KMT5A: variants seen among roughly 807,000 people sequenced by gnomAD.
KMT5A encodes the protein N-lysine methyltransferase KMT5A.
A neutral mutation model predicts 40.6 loss-of-function variants in KMT5A; 6 were observed. The ratio of observed to expected loss-of-function variants is 0.15; its 90% CI spans 0.08 to 0.29. The LOEUF (loss-of-function observed/expected upper bound fraction) is 0.29. KMT5A is among the 10% of genes least tolerant of loss of function. The pLI, the probability that KMT5A is intolerant of heterozygous loss-of-function variation, is 1.00. For missense variants in KMT5A, 308 were observed against 459.1 expected, an observed-to-expected ratio of 0.67 and a Z score of 3.01; for synonymous variants, 153 against 178.8, an observed-to-expected ratio of 0.86 and a Z score of 1.15.
At chr12:123,402,592 G>A (rs940195258) in intron 5 of KMT5A, among the ~76,000 whole-genome samples, 7 of 152,200 alleles carry the variant, frequency 4.6e-5, no homozygotes, top group African/African-American at 1.4e-4. Context: ...TGGAGCTTCC[G>A]ATCTGTCTTC....
intron 5 of KMT5A, among the ~76,000 whole-genome samples, chr12:123,399,077 T>G (rs1444087929): frequency 6.6e-6 from 1 of 152,250 alleles, no homozygotes; most frequent in Non-Finnish European, 1.5e-5. Context: ...CAGGGGCCCC[T>G]TGGCCGGCCA....
chr12:123,408,566 CTTTTTTTTT>C lies in KMT5A; in HGVS notation c.*875_*883del, dbSNP rs57847836. On this transcript the variant is annotated 3_prime_UTR_variant, in exon 8 of 8. Transcript: ENST00000402868. ...GGTCTTGAAGTGAGTGAAGTGGCTG[CTTTTTTTTT>C]TTTTTTTTTTTGCTTTTTTTTGCTT... 1.1e-5 allele frequency: 1 copy of C among 91,884 alleles called. No individual in the cohort carries two copies. Among genetic ancestry groups the C allele is most frequent in the Non-Finnish European group, 2.3e-5 (1 of 43,658 alleles). The allele number at this position is 91,884 out of a possible 1,614,324, so 5.7% of individuals were successfully genotyped here.
intron 2 of KMT5A, chr12:123,390,197 C>G (rs1475738554): frequency 6.6e-6 from 3 of 457,882 alleles, no homozygotes; most frequent in East Asian, 6.9e-5. Context: ...GACAGGCCCT[C>G]CAGCCGCCCT....
chr12:123,389,247 G>A (rs1877083700), intron 1 of KMT5A, 186 bp from the exon 2 acceptor site: 1 of 161,388 alleles, frequency 6.2e-6, no homozygotes, highest in Non-Finnish European at 1.2e-5. Context: ...GGGCCGGGCG[G>A]CGGGAGGGCG....
intron 6 of KMT5A, among the ~76,000 whole-genome samples, chr12:123,403,838 A>G (rs1878351946): frequency 6.6e-6 from 1 of 152,248 alleles, no homozygotes; most frequent in Non-Finnish European, 1.5e-5. Flanking sequence ...GGCTTTGTAT[A>G]TAAATGTTAT....
At chr12:123,395,473 C>G (rs1877646357) in intron 4 of KMT5A, among the ~76,000 whole-genome samples, 1 of 152,054 alleles carries the variant, frequency 6.6e-6, no homozygotes, top group Non-Finnish European at 1.5e-5. Context: ...AAGAGCCTCT[C>G]CTTCCTCCCC....
rs1244439834 is a variant in KMT5A at position 123,407,712 on chromosome 12, C to T, written c.*9C>T. 6.2e-7 allele frequency: 1 copy of T among 1,606,204 alleles called. No homozygotes were observed. The highest frequency in any genetic ancestry group is 1.3e-5 in the African/African-American group (1 of 74,828). On this transcript the variant is annotated 3_prime_UTR_variant, in exon 8 of 8. Coordinates refer to ENST00000402868, the MANE Select transcript of KMT5A (RefSeq NM_020382.7). ...CGTGGCTGAAGCATTAACCGGTGGGCCCCGTGCCCTCCCCGCCCCACTTTC... is the reference window on the plus strand; with the variant it reads ...CGTGGCTGAAGCATTAACCGGTGGGTCCCGTGCCCTCCCCGCCCCACTTTC...
At chr12:123,388,869 C>T (rs1025671871) in intron 1 of KMT5A, 3 of 148,102 alleles carry the variant, frequency 2.0e-5, no homozygotes, top group East Asian at 4.1e-4. Flanking sequence ...GCCGCGCCCG[C>T]CCGCCCGCCC....
chr12:123,406,836 G>A (rs1443336249), intron 7 of KMT5A, among the ~76,000 whole-genome samples: 4 of 151,796 alleles, frequency 2.6e-5, no homozygotes, highest in South Asian at 2.1e-4. Flanking sequence ...GACCAACATG[G>A]CAAAACCCCA....
chr12:123,401,061 C>T (rs1415588726), intron 5 of KMT5A, among the ~76,000 whole-genome samples: 1 of 150,916 alleles, frequency 6.6e-6, no homozygotes, highest in Non-Finnish European at 1.5e-5. Flanking sequence ...TCCCAAACTG[C>T]TGGGATTACA....
chr12:123,401,713 C>T (rs1247029130), intron 5 of KMT5A, among the ~76,000 whole-genome samples: 1 of 151,878 alleles, frequency 6.6e-6, no homozygotes, highest in Non-Finnish European at 1.5e-5. Flanking sequence ...TCCTGAGTAG[C>T]CGGGATTACA....
rs1487445275 is a variant in KMT5A at position 123,395,262 on chromosome 12, A to G, written c.505A>G (p.Lys169Glu). 7 of 1,612,852 alleles carry G rather than the reference A, an allele frequency of 4.3e-6. No individual in the cohort carries two copies. Among genetic ancestry groups the G allele is most frequent in the Non-Finnish European group, 5.9e-6 (7 of 1,179,564 alleles). ...KPIKGKQAPR[K>E]KAQGKTQQNR... ...CATCAAGGGCAAACAGGCCCCCCGA[A>G]AAAAGTAAGTGCCCCATTCAGTCCT... The change falls in exon 4 of 8, where the codon AAA becomes GAA. Residue 169 changes from lysine to glutamate, a missense_variant. Physicochemically the swap from Lys to Glu is moderately conservative, Grantham distance 56. Transcript: ENST00000402868.
chr12:123,384,187 CAG>C lies in KMT5A; in HGVS notation c.-9_-8del, dbSNP rs746298553. The C allele has an allele frequency of 3.8e-5, 62 of 1,613,624 alleles. 1 individual carries two copies. The South Asian group carries it at 4.9e-4, about 13-fold the overall frequency. ...TTTCCCGGGAGATCCCAGGCGGTGACAGAGTGGAGCCATGGCTAGAGGTATTT... is the reference window on the plus strand; with the variant it reads ...TTTCCCGGGAGATCCCAGGCGGTGACAGTGGAGCCATGGCTAGAGGTATTT... On this transcript the variant is annotated 5_prime_UTR_variant, in exon 1 of 8. Transcript: ENST00000402868. The surrounding 1 kb of genome is among the most constrained non-coding windows in gnomAD (Gnocchi z 5.7).
In KMT5A at chr12:123,395,278, A is replaced by C. The variant is rs866839827; in HGVS notation, c.509+12A>C. 6.2e-7 allele frequency: 1 copy of C among 1,610,618 alleles called. No individual in the cohort carries two copies. Among genetic ancestry groups the C allele is most frequent in the Non-Finnish European group, 8.5e-7 (1 of 1,178,532 alleles). On this transcript the variant is annotated intron_variant, in intron 4 of 7. Coordinates refer to ENST00000402868, the MANE Select transcript of KMT5A (RefSeq NM_020382.7). ...GCCCCCCGAAAAAAGTAAGTGCCCC[A>C]TTCAGTCCTCTTCCTAACGTGGAGC... is the stretch of plus-strand genomic sequence containing the variant.
chr12:123,404,781 C>T (rs572546562), intron 6 of KMT5A, 103 bp from the exon 7 acceptor site: 8 of 1,106,574 alleles, frequency 7.2e-6, no homozygotes, highest in African/African-American at 3.1e-5. Context: ...TGGCTCAGTA[C>T]AGCTGTTAAA....
intron 3 of KMT5A, among the ~76,000 whole-genome samples, chr12:123,393,370 C>T (rs1052589486): frequency 6.6e-6 from 1 of 152,160 alleles, no homozygotes; most frequent in South Asian, 2.1e-4. Flanking sequence ...ATTCCCCATC[C>T]CTCTAGTCCA....
chr12:123,391,991 C>T (rs897859297), intron 3 of KMT5A, among the ~76,000 whole-genome samples: 1 of 152,212 alleles, frequency 6.6e-6, no homozygotes, highest in Non-Finnish European at 1.5e-5. Flanking sequence ...AAGTTTGCCA[C>T]CTGAAAGAAG....
At chr12:123,398,441 A>T (rs752102557) in intron 5 of KMT5A, among the ~76,000 whole-genome samples, 1 of 152,158 alleles carries the variant, frequency 6.6e-6, no homozygotes, top group Admixed American at 6.5e-5. Flanking sequence ...GGGGGAGCCG[A>T]GTTGGCCTTG....
intron 6 of KMT5A, among the ~76,000 whole-genome samples, chr12:123,404,545 T>C: frequency 6.6e-6 from 1 of 152,188 alleles, no homozygotes; most frequent in Non-Finnish European, 1.5e-5. Context: ...AGACACGTGG[T>C]TGTGCCTCTT....
Sources: allele counts gnomAD v4.1 joint callset (sites outside exome capture counted in the v4.1 genomes callset), GRCh38; gene constraint gnomAD v4.1.1; non-coding constraint Gnocchi (gnomAD v3.1); transcripts MANE v1.5; gene names NCBI Gene and HGNC (gene_info 2026-07-23, HGNC 2026-07-21).